The following RNF144A variants were observed in gnomAD, a reference collection of about 807,000 sequenced individuals.
RNF144A encodes the protein E3 ubiquitin-protein ligase RNF144A.
A neutral mutation model predicts 38.7 loss-of-function variants in RNF144A; 11 were observed. The observed-to-expected ratio is 0.28, with a 90% confidence interval of 0.18 to 0.47. The LOEUF (loss-of-function observed/expected upper bound fraction) is 0.47. Ranked by LOEUF, RNF144A falls within the 20% of genes least tolerant of loss-of-function variation. The pLI is 0.99. For synonymous variants in RNF144A, 149 were observed against 143.9 expected (o/e 1.04, Z -0.25); for missense variants, 316 against 377.2 (o/e 0.84, Z 1.34).
intron 2 of RNF144A, among the ~76,000 whole-genome samples, chr2:6,987,537 G>T (rs1433901313): frequency 2.6e-4 from 39 of 152,230 alleles, no homozygotes; most frequent in Non-Finnish European, 1.5e-5. Context: ...TAGACTTTCT[G>T]CTCAATTACC....
chr2:7,072,484 A>T (rs778976250), downstream of RNF144A, among the ~76,000 whole-genome samples: 126 of 152,224 alleles, frequency 8.3e-4, no homozygotes, highest in Non-Finnish European at 1.5e-3. Flanking sequence ...AGGCTTGTAG[A>T]ATCCCACAGG....
intron 5 of RNF144A, among the ~76,000 whole-genome samples, chr2:7,017,887 C>G (rs1470193022): frequency 6.6e-6 from 1 of 152,140 alleles, no homozygotes; most frequent in East Asian, 1.9e-4. Context: ...CTGACCTTTT[C>G]GATAGGGAAT....
chr2:7,044,042 G>C lies in RNF144A; in HGVS notation c.*4282G>C. On this transcript the variant is annotated 3_prime_UTR_variant, in exon 9 of 9. Coordinates refer to ENST00000320892, the MANE Select transcript of RNF144A (RefSeq NM_014746.6). ...CTTTTAATGTTGTGTTTTGTACTCT[G>C]GAATCATATGGAAAAAGTTTGATTT... The C allele has an allele frequency of 2.0e-6, 2 of 985,698 alleles. No individual in the cohort carries two copies. Among genetic ancestry groups the C allele is most frequent in the Non-Finnish European group, 2.4e-6 (2 of 829,884 alleles). 61.1% of individuals were successfully genotyped at this position (985,698 alleles called of 1,614,324 possible).
At chr2:7,033,355 G>A (rs570955824) in intron 8 of RNF144A, among the ~76,000 whole-genome samples, 203 of 152,344 alleles carry the variant, frequency 1.3e-3, no homozygotes, top group Non-Finnish European at 2.6e-3. Flanking sequence ...CCTCAGCTGG[G>A]GCTGGCAGTC....
At chr2:7,071,228 G>A (rs1674471457), downstream of RNF144A, among the ~76,000 whole-genome samples, 2 of 152,154 alleles carry the variant, frequency 1.3e-5, no homozygotes, top group Non-Finnish European at 2.9e-5. Context: ...GAGCCACCGT[G>A]CCTGGCCTTT....
intron 2 of RNF144A, among the ~76,000 whole-genome samples, chr2:6,987,367 T>G (rs905748370): frequency 2.6e-5 from 4 of 151,322 alleles, no homozygotes; most frequent in Non-Finnish European, 3.0e-5. Flanking sequence ...GTTTCTGGGG[T>G]GTGTGTGTGT....
chr2:7,076,323 T>C, the RNF144A span, among the ~76,000 whole-genome samples: 4 of 152,238 alleles, frequency 2.6e-5, no homozygotes, highest in Admixed American at 1.3e-4. Context: ...TATAGCTTGG[T>C]TGTTTTCCCA....
At chr2:7,025,979 C>G (rs424271) in intron 7 of RNF144A, among the ~76,000 whole-genome samples, 65,347 of 151,968 alleles carry the variant, frequency 0.43, 15,074 homozygotes, top group South Asian at 0.76. Context: ...TTCTGGGCAA[C>G]CATTCATACC....
At chr2:6,985,816 G>T (rs993353579) in intron 2 of RNF144A, among the ~76,000 whole-genome samples, 1 of 152,238 alleles carries the variant, frequency 6.6e-6, no homozygotes, top group African/African-American at 2.4e-5. Context: ...GGGACTGCAC[G>T]TGCGCACCAT....
chr2:6,944,408 C>T lies in RNF144A; in HGVS notation c.-12+3261C>T, dbSNP rs1453752884. 6.6e-6 allele frequency among the ~76,000 whole-genome samples: 1 copy of T among 152,000 alleles called. No individual in the cohort carries two copies. The highest frequency in any genetic ancestry group is 2.4e-5 in the African/African-American group (1 of 41,370). Reference sequence around the variant, plus strand: ...GGAGAGATCTTCCCCTCCACTTACCCGATTGCCTACTTACCCCTTTGGTGA... The same window carrying T: ...GGAGAGATCTTCCCCTCCACTTACCTGATTGCCTACTTACCCCTTTGGTGA... On this transcript the variant is annotated intron_variant, in intron 2 of 8. Transcript: ENST00000320892. The surrounding 1 kb of genome is among the most constrained non-coding windows in gnomAD (Gnocchi z 4.7).
chr2:6,922,905 T>A (rs571199237), intron 1 of RNF144A, among the ~76,000 whole-genome samples: 32 of 152,322 alleles, frequency 2.1e-4, no homozygotes, highest in African/African-American at 7.7e-4. Context: ...ATTACAGGCG[T>A]GAGCCACCGC....
chr2:7,020,800 C>G, intron 6 of RNF144A, 120 bp downstream of exon 6: 1 of 786,596 alleles, frequency 1.3e-6, no homozygotes, highest in Non-Finnish European at 2.1e-6. Flanking sequence ...AACCCTAACA[C>G]ACACTGTACC....
At chr2:6,960,772 C>G (rs982635549) in intron 2 of RNF144A, among the ~76,000 whole-genome samples, 1 of 152,166 alleles carries the variant, frequency 6.6e-6, no homozygotes, top group South Asian at 2.1e-4. Flanking sequence ...GTTCTTTTCT[C>G]CTTCACCGCA....
At chr2:6,992,232 C>A (rs1279203167) in intron 2 of RNF144A, among the ~76,000 whole-genome samples, 1 of 152,240 alleles carries the variant, frequency 6.6e-6, no homozygotes. Context: ...CCCTGCCAGG[C>A]TCACGGAAAC....
intron 8 of RNF144A, among the ~76,000 whole-genome samples, chr2:7,031,083 G>A (rs533490853): frequency 1.4e-4 from 21 of 152,214 alleles, no homozygotes; most frequent in African/African-American, 3.6e-4. Flanking sequence ...AGGTTTGCTC[G>A]TTTGCTTCCC....
intron 6 of RNF144A, among the ~76,000 whole-genome samples, chr2:7,056,782 T>C: frequency 6.6e-6 from 1 of 152,226 alleles, no homozygotes; most frequent in Admixed American, 6.5e-5. Context: ...TTCTCTTCTC[T>C]TGCCTCAATA....
At chr2:7,004,159 C>T (rs182983932) in intron 3 of RNF144A, among the ~76,000 whole-genome samples, 15 of 152,368 alleles carry the variant, frequency 9.8e-5, no homozygotes, top group African/African-American at 2.4e-4. Context: ...ATTCTTCCTG[C>T]GGCCTGTGTG....
At chr2:7,007,844 C>T (rs745386863) in intron 3 of RNF144A, among the ~76,000 whole-genome samples, 7 of 152,188 alleles carry the variant, frequency 4.6e-5, no homozygotes, top group East Asian at 3.8e-4. Context: ...AAACGGGCCG[C>T]GCTGCCCACA....
rs545911139 is a variant in RNF144A at position 6,943,092 on chromosome 2, G to A, written c.-12+1945G>A. ...TGGGTGGTCCTATCCAGATCTGATC[G>A]TTTAAGAGGGCGGTATGTGCTGGAG... On this transcript the variant is annotated intron_variant, in intron 2 of 8. Transcript: ENST00000320892. This position sits in a 1 kb window ranked among gnomAD's most constrained non-coding sequence, Gnocchi z 4.3. Among the ~76,000 whole-genome samples, 2 of 152,338 alleles carry A rather than the reference G, an allele frequency of 1.3e-5. No individual in the cohort carries two copies. Among genetic ancestry groups the A allele is most frequent in the South Asian group, 4.1e-4 (2 of 4,830 alleles).
Sources: gnomAD v4.1 joint callset for allele counts (sites outside exome capture counted in the v4.1 genomes callset) on GRCh38, gnomAD v4.1.1 for gene constraint, Gnocchi (gnomAD v3.1) non-coding constraint, MANE v1.5 for transcripts, NCBI Gene and HGNC (gene_info 2026-07-23, HGNC 2026-07-21) for gene names.